Variants in PIP4K2A observed in about 807,000 individuals in gnomAD.
The protein encoded by PIP4K2A is phosphatidylinositol 5-phosphate 4-kinase type-2 alpha.
A neutral mutation model predicts 42.9 loss-of-function variants in PIP4K2A; 14 were observed. That is an observed-to-expected ratio of 0.33 (90% CI 0.22 to 0.51). PIP4K2A has a LOEUF of 0.51. Ranked by LOEUF, PIP4K2A falls within the 20% of genes least tolerant of loss-of-function variation. The probability of loss-of-function intolerance (pLI) is 0.97; values close to 1 mark genes in which losing one functional copy is unlikely to be tolerated. For synonymous variants in PIP4K2A, 192 were observed against 192.2 expected (o/e 1.00, Z 0.01); for missense variants, 434 against 519.8 (o/e 0.83, Z 1.61).
intron 1 of PIP4K2A, among the ~76,000 whole-genome samples, chr10:22,676,445 C>A (rs994416492): frequency 2.6e-5 from 4 of 152,252 alleles, no homozygotes; most frequent in African/African-American, 9.6e-5. Context: ...CTTTGTCTCA[C>A]TGCTTGAAGA....
chr10:22,670,351 C>G (rs1341461250), intron 1 of PIP4K2A, among the ~76,000 whole-genome samples: 1 of 152,088 alleles, frequency 6.6e-6, no homozygotes, highest in Non-Finnish European at 1.5e-5. Flanking sequence ...TGTACTCCAG[C>G]CTGGGCAAAA....
In PIP4K2A at chr10:22,546,473, G is replaced by A. The variant is rs536847541; in HGVS notation, c.792+4186C>T. ...GTCACCCAGGCTGGAGTGCAGTGGT[G>A]TGATCATGGCTCACTGAAGCCTCAA... On this transcript the variant is annotated intron_variant, in intron 7 of 9. Coordinates refer to ENST00000376573, the MANE Select transcript of PIP4K2A (RefSeq NM_005028.5). 3.3e-5 allele frequency among the ~76,000 whole-genome samples: 5 copies of A among 152,228 alleles called. No individual in the cohort carries two copies. The South Asian group carries it at 8.3e-4, about 25-fold the overall frequency.
chr10:22,634,006 C>T (rs570332593), intron 1 of PIP4K2A, among the ~76,000 whole-genome samples: 3 of 152,318 alleles, frequency 2.0e-5, no homozygotes, highest in Middle Eastern at 3.4e-3. Context: ...CCAGAGTAGA[C>T]GCTTAATAGA....
In PIP4K2A at chr10:22,664,743, G is replaced by A. The variant is rs185744608; in HGVS notation, c.144+49440C>T. 1.8e-4 allele frequency among the ~76,000 whole-genome samples: 28 copies of A among 152,046 alleles called. 1 individual carries two copies. The highest frequency in any genetic ancestry group is 1.0e-3 in the Admixed American group (16 of 15,270). ...ACATTTAGCTGTATGCTTTCAGTACGAAGTACTACCACAGAGCCACAGACA... is the reference window on the plus strand; with the variant it reads ...ACATTTAGCTGTATGCTTTCAGTACAAAGTACTACCACAGAGCCACAGACA... On this transcript the variant is annotated intron_variant, in intron 1 of 9. Coordinates refer to ENST00000376573, the MANE Select transcript of PIP4K2A (RefSeq NM_005028.5).
At chr10:22,647,342 A>G (rs1296478284) in intron 1 of PIP4K2A, among the ~76,000 whole-genome samples, 28 of 151,748 alleles carry the variant, frequency 1.8e-4, no homozygotes, top group Non-Finnish European at 1.5e-5. Context: ...GTGTGTGTGC[A>G]CGCGCGTGTG....
intron 1 of PIP4K2A, among the ~76,000 whole-genome samples, chr10:22,639,764 T>C (rs1424459950): frequency 4.6e-5 from 7 of 152,198 alleles, no homozygotes; most frequent in Non-Finnish European, 1.0e-4. Flanking sequence ...CATAAAAGGA[T>C]TGTTATGAAC....
chr10:22,552,866 G>A (rs2130763566), intron 6 of PIP4K2A, among the ~76,000 whole-genome samples: 1 of 152,288 alleles, frequency 6.6e-6, no homozygotes, highest in East Asian at 1.9e-4. Flanking sequence ...TGTAAGAAAA[G>A]AAGGGTAGAG....
At chr10:22,669,132 A>G (rs1440839423) in intron 1 of PIP4K2A, among the ~76,000 whole-genome samples, 1 of 152,206 alleles carries the variant, frequency 6.6e-6, no homozygotes, top group East Asian at 1.9e-4. Context: ...GGGAAGTGTC[A>G]CAGTACTAGC....
At chr10:22,616,621 G>C (rs1036748419) in intron 1 of PIP4K2A, among the ~76,000 whole-genome samples, 1 of 151,990 alleles carries the variant, frequency 6.6e-6, no homozygotes, top group Admixed American at 6.6e-5. Context: ...AAGATTCCTA[G>C]CAACTTCATA....
intron 3 of PIP4K2A, 138 bp downstream of exon 3, chr10:22,607,789 T>C (rs1252095064): frequency 1.8e-6 from 1 of 566,340 alleles, no homozygotes; most frequent in South Asian, 2.6e-5. Flanking sequence ...AGCATGAACA[T>C]TAAAAACTTC....
In PIP4K2A at chr10:22,705,425, TTAAAA is replaced by T. The variant is rs1722310956; in HGVS notation, c.144+8753_144+8757del. ...TTACGTATTATATTCAGTACCCCAG[TTAAAA>T]AAAAAAAAAAAAAAAAAAAAAAAAA... is the stretch of plus-strand genomic sequence containing the variant. On this transcript the variant is annotated intron_variant, in intron 1 of 9. Transcript: ENST00000376573. 2.8e-4 allele frequency among the ~76,000 whole-genome samples: 16 copies of T among 56,876 alleles called. 1 individual carries two copies. The highest frequency in any genetic ancestry group is 4.9e-4 in the African/African-American group (7 of 14,344). 37.3% of individuals were successfully genotyped at this position (56,876 alleles called of 152,430 possible).
intron 1 of PIP4K2A, among the ~76,000 whole-genome samples, chr10:22,686,816 G>A (rs1388003862): frequency 6.6e-6 from 1 of 152,130 alleles, no homozygotes; most frequent in African/African-American, 2.4e-5. Context: ...ATGGTACAAA[G>A]TAGGTAACAT....
At chr10:22,554,897 C>T (rs1484270122) in intron 6 of PIP4K2A, among the ~76,000 whole-genome samples, 3 of 152,206 alleles carry the variant, frequency 2.0e-5, no homozygotes, top group African/African-American at 4.8e-5. Context: ...AGCTGAGGCC[C>T]CGTGAGTAAA....
chr10:22,593,254 T>C (rs533331723), intron 3 of PIP4K2A, among the ~76,000 whole-genome samples: 2 of 152,264 alleles, frequency 1.3e-5, no homozygotes, highest in Admixed American at 1.3e-4. Flanking sequence ...CACCTTGATC[T>C]GAAGGCAAGC....
intron 1 of PIP4K2A, among the ~76,000 whole-genome samples, chr10:22,616,883 A>G (rs889480013): frequency 2.0e-5 from 3 of 152,194 alleles, no homozygotes; most frequent in Admixed American, 2.0e-4. Flanking sequence ...GGGAAAATAA[A>G]TACTCCTCAA....
intron 1 of PIP4K2A, among the ~76,000 whole-genome samples, chr10:22,669,515 A>G (rs1839409392): frequency 6.6e-6 from 1 of 152,206 alleles, no homozygotes; most frequent in East Asian, 1.9e-4. Flanking sequence ...AGCAAAAACC[A>G]AGCTATGAAA....
intron 1 of PIP4K2A, among the ~76,000 whole-genome samples, chr10:22,688,335 C>A (rs1037862260): frequency 2.6e-5 from 4 of 152,180 alleles, no homozygotes; most frequent in African/African-American, 9.7e-5. Context: ...AATAAACCTG[C>A]GCACATTCTC....
chr10:22,567,046 C>A (rs1382579546), intron 6 of PIP4K2A, among the ~76,000 whole-genome samples: 1 of 152,264 alleles, frequency 6.6e-6, no homozygotes, highest in South Asian at 2.1e-4. Context: ...TCTAAAAGAA[C>A]AACTTTCAAA....
At chr10:22,600,539 C>G (rs753769257) in intron 3 of PIP4K2A, among the ~76,000 whole-genome samples, 3 of 152,148 alleles carry the variant, frequency 2.0e-5, no homozygotes, top group Non-Finnish European at 4.4e-5. Flanking sequence ...AAGACTCAAC[C>G]AGGCCTCCTA....
Sources: gnomAD v4.1 joint callset for allele counts (sites outside exome capture counted in the v4.1 genomes callset) on GRCh38, gnomAD v4.1.1 for gene constraint, MANE v1.5 for transcripts, NCBI Gene and HGNC (gene_info 2026-07-23, HGNC 2026-07-21) for gene names.